Variants in QRICH1 observed in about 807,000 individuals in gnomAD.
QRICH1 encodes the protein glutamine rich 1, also known as transcriptional regulator QRICH1.
In QRICH1, 16 loss-of-function variants were observed where a neutral mutation model predicts 87.1. The ratio of observed to expected loss-of-function variants is 0.18; its 90% CI spans 0.12 to 0.28. The LOEUF (loss-of-function observed/expected upper bound fraction) is 0.28. Ranked by LOEUF, QRICH1 falls within the 10% of genes least tolerant of loss-of-function variation. QRICH1 has a pLI of 1.00. For synonymous variants in QRICH1, 367 were observed against 368.4 expected, an observed-to-expected ratio of 1.00 and a Z score of 0.05; for missense variants, 647 against 951.7, an observed-to-expected ratio of 0.68 and a Z score of 4.21.
At chr3:49,078,026 T>G (rs1489944378) in intron 1 of QRICH1, among the ~76,000 whole-genome samples, 1 of 152,158 alleles carries the variant, frequency 6.6e-6, no homozygotes, top group Non-Finnish European at 1.5e-5. Context: ...GCTGCTACCT[T>G]TGTACCATCC....
At position 49,057,602 on chromosome 3, in the gene QRICH1, C is replaced by T. The variant is rs778198417; in HGVS notation, c.598G>A (p.Val200Met). 1 of 1,614,062 alleles carries T rather than the reference C, an allele frequency of 6.2e-7. No homozygotes were observed. Among genetic ancestry groups the T allele is most frequent in the South Asian group, 1.1e-5 (1 of 91,078 alleles). ...IPHQQIQAQLVAGQSLAGGQQ... is the reference protein window; with the variant it reads ...IPHQQIQAQLMAGQSLAGGQQ... ...CCACCAGCAAGAGACTGGCCAGCCA[C>T]CAGCTGAGCCTGGATTTGCTGATGT... Residue 200 changes from valine to methionine, a missense_variant, in exon 3 of 10, where the codon GTG (valine) becomes ATG (methionine). Physicochemically the swap from Val to Met is conservative, Grantham distance 21. Transcript: ENST00000395443. This position sits in a 1 kb window ranked among gnomAD's most constrained non-coding sequence, Gnocchi z 5.4.
chr3:49,059,780 T>C (rs2093424393), intron 2 of QRICH1, among the ~76,000 whole-genome samples: 1 of 151,664 alleles, frequency 6.6e-6, no homozygotes, highest in South Asian at 2.1e-4. Flanking sequence ...AGTGATATGG[T>C]AGTCACGGCT....
At chr3:49,058,030 G>A in intron 2 of QRICH1, 140 bp from the exon 3 acceptor site, 1 of 1,421,142 alleles carries the variant, frequency 7.0e-7, no homozygotes, top group South Asian at 1.3e-5. Context: ...TTCTGAGAAG[G>A]ACACAATACG....
chr3:49,065,683 T>TC (rs1406327470), intron 2 of QRICH1, among the ~76,000 whole-genome samples: 3 of 147,810 alleles, frequency 2.0e-5, no homozygotes, highest in Non-Finnish European at 4.6e-5. Flanking sequence ...GGAGTCTCTC[T>TC]CTTTTTTTTT....
chr3:49,054,747 T>C (rs1422759211), intron 3 of QRICH1, among the ~76,000 whole-genome samples: 1 of 151,928 alleles, frequency 6.6e-6, no homozygotes, highest in African/African-American at 2.4e-5. Flanking sequence ...TCTACAAATA[T>C]ATATATATGC....
chr3:49,036,103 C>T (rs1311554092), intron 6 of QRICH1, among the ~76,000 whole-genome samples: 1 of 151,722 alleles, frequency 6.6e-6, no homozygotes, highest in African/African-American at 2.4e-5. Flanking sequence ...AAAAATAAAT[C>T]AAAATAAAAT....
In QRICH1 at chr3:49,057,471, T is replaced by C. The variant is rs150150394; in HGVS notation, c.729A>G (p.Gln243=). The C allele has an allele frequency of 4.0e-5, 64 of 1,612,966 alleles. No homozygotes were observed. In the African/African-American group the frequency reaches 7.9e-4, roughly 20 times the overall value. Residue 243 remains glutamine, a synonymous_variant, in exon 3 of 10, where the codon CAA becomes CAG. Coordinates refer to ENST00000395443, the MANE Select transcript of QRICH1 (RefSeq NM_198880.3). This position sits in a 1 kb window ranked among gnomAD's most constrained non-coding sequence, Gnocchi z 5.4. ...ERRVGTASVL[Q]PVKKRKVDMP... is the part of the protein sequence containing the mutation. Reference sequence around the variant, plus strand: ...TGTCCACTTTGCGCTTCTTCACTGGTTGGAGGACACTGGCCGTGCCAACCC... The same window carrying C: ...TGTCCACTTTGCGCTTCTTCACTGGCTGGAGGACACTGGCCGTGCCAACCC...
chr3:49,048,866 G>A (rs1453308237), intron 3 of QRICH1, among the ~76,000 whole-genome samples: 6 of 150,368 alleles, frequency 4.0e-5, no homozygotes, highest in African/African-American at 1.2e-4. Context: ...TAAGGTAGAG[G>A]CACATTGTCA....
chr3:49,092,124 C>A (rs1211636385), intron 1 of QRICH1, among the ~76,000 whole-genome samples: 1 of 151,928 alleles, frequency 6.6e-6, no homozygotes, highest in Non-Finnish European at 1.5e-5. Context: ...AACTTTACAG[C>A]TTTTCTTTGA....
chr3:49,030,652 A>G lies in QRICH1; in HGVS notation c.2139-8T>C. 1 of 1,545,776 alleles carries G rather than the reference A, an allele frequency of 6.5e-7. No individual in the cohort carries two copies. Among genetic ancestry groups the G allele is most frequent in the Non-Finnish European group, 8.7e-7 (1 of 1,143,852 alleles). Reference sequence around the variant, plus strand: ...CCTTTCACACTCTGGGGGCTGAAGAATATGCGGATAAAAGTTGGGTACCAC... The same window carrying G: ...CCTTTCACACTCTGGGGGCTGAAGAGTATGCGGATAAAAGTTGGGTACCAC... On this transcript the variant is annotated splice_polypyrimidine_tract_variant and splice_region_variant and intron_variant, in intron 9 of 9. Transcript: ENST00000395443.
intron 1 of QRICH1, among the ~76,000 whole-genome samples, chr3:49,081,873 T>C (rs1478308441): frequency 2.6e-5 from 4 of 151,808 alleles, no homozygotes; most frequent in African/African-American, 9.7e-5. Flanking sequence ...AGTGGCGTCA[T>C]CTCTACTCAC....
At chr3:49,041,114 C>A (rs769521316) in intron 6 of QRICH1, among the ~76,000 whole-genome samples, 1 of 152,028 alleles carries the variant, frequency 6.6e-6, no homozygotes, top group African/African-American at 2.4e-5. Flanking sequence ...ATTACAGGCA[C>A]GTGCCACCAC....
rs2093280402 is a variant in QRICH1, at chr3:49,037,101, GTTTATC to G, written c.1787-3879_1787-3874del. On this transcript the variant is annotated intron_variant, in intron 6 of 9. Transcript: ENST00000395443. The stretch of plus-strand genomic sequence containing the variant: ...AAAAAAAAAAAAAAAAAAAAGGAAA[GTTTATC>G]TTTATATTCCAAGTAATTATGAAGT... Among the ~76,000 whole-genome samples the G allele has an allele frequency of 5.6e-5, 7 of 125,846 alleles. No individual in the cohort carries two copies. The Admixed American group carries it at 5.7e-4, about 10-fold the overall frequency. 82.6% of individuals were successfully genotyped at this position (125,846 alleles called of 152,430 possible). A position where few individuals can be genotyped will look rare whatever the true frequency, so the allele number is the denominator to read the frequency against.
At chr3:49,042,580 GT>G (rs561712970) in intron 6 of QRICH1, among the ~76,000 whole-genome samples, 30 of 146,046 alleles carry the variant, frequency 2.1e-4, no homozygotes, top group South Asian at 4.4e-4. Context: ...GAAAAGGTTT[GT>G]TTTTTTTTTT....
chr3:49,088,627 T>G (rs1213717725), intron 1 of QRICH1, among the ~76,000 whole-genome samples: 21 of 148,760 alleles, frequency 1.4e-4, no homozygotes, highest in Middle Eastern at 3.4e-3. Flanking sequence ...TGTTTTTTTT[T>G]TTTTTTTTTT....
At chr3:49,048,581 G>A (rs2093352240) in intron 3 of QRICH1, among the ~76,000 whole-genome samples, 1 of 150,962 alleles carries the variant, frequency 6.6e-6, no homozygotes, top group Non-Finnish European at 1.5e-5. Context: ...GAGGTCAAGA[G>A]ACTGAGACCA....
intron 2 of QRICH1, among the ~76,000 whole-genome samples, chr3:49,069,061 C>CA (rs2093484740): frequency 1.3e-5 from 2 of 149,068 alleles, no homozygotes; most frequent in African/African-American, 4.9e-5. Context: ...TTGAATAAGG[C>CA]AAAAAAGCCT....
chr3:49,044,441 C>G lies in QRICH1; in HGVS notation c.1735G>C (p.Glu579Gln). ...FSDLYYVRFT[E>Q]WLHEVLKDVQ... ...TCCTTCAGAACTTCATGTAGCCACT[C>G]CGTGAACCGAACATAATAAAGATCG... The change falls in exon 6 of 10, where the codon GAG becomes CAG. Residue 579 changes from glutamate (E) to glutamine (Q), a missense_variant. Transcript: ENST00000395443. 6.2e-7 allele frequency: 1 copy of G among 1,613,842 alleles called. No homozygotes were observed. Among genetic ancestry groups the G allele is most frequent in the Admixed American group, 1.7e-5 (1 of 59,966 alleles).
intron 2 of QRICH1, among the ~76,000 whole-genome samples, chr3:49,065,006 A>G (rs2106934714): frequency 6.6e-6 from 1 of 152,284 alleles, no homozygotes; most frequent in East Asian, 1.9e-4. Flanking sequence ...ACAGAGCAAG[A>G]GTTGTTCTAG....
Sources: gnomAD v4.1 joint callset for allele counts (sites outside exome capture counted in the v4.1 genomes callset) on GRCh38, gnomAD v4.1.1 for gene constraint, Gnocchi (gnomAD v3.1) non-coding constraint, MANE v1.5 for transcripts, NCBI Gene and HGNC (gene_info 2026-07-23, HGNC 2026-07-21) for gene names.